The following SND1 variants were observed in gnomAD, a reference collection of about 807,000 sequenced individuals.
SND1 encodes staphylococcal nuclease domain-containing protein 1.
Under a neutral mutation model 121.7 loss-of-function variants are expected in SND1, and 38 were observed. That is an observed-to-expected ratio of 0.31 (90% CI 0.24 to 0.41). SND1 has a LOEUF of 0.41. SND1 is among the 10% of genes least tolerant of loss of function. The pLI, the probability that SND1 is intolerant of heterozygous loss-of-function variation, is 1.00. For missense variants in SND1, 868 were observed against 1,184.6 expected (o/e 0.73, Z 3.92); for synonymous variants, 401 against 447.4 (o/e 0.90, Z 1.31).
intron 10 of SND1, among the ~76,000 whole-genome samples, chr7:127,725,311 C>A (rs1366980452): frequency 4.6e-5 from 7 of 152,182 alleles, no homozygotes; most frequent in Admixed American, 3.9e-4. Context: ...GCTCATATGG[C>A]ATCTTTGTGC....
Position 128,029,121 on chromosome 7 carries a change from G to A in SND1, c.1779+38065G>A. ...CATCTTGTCAGTGGTGTCTGTCGCGGGTACTGCCACCTGCTTGGGCACACG... is the reference window on the plus strand; with the variant it reads ...CATCTTGTCAGTGGTGTCTGTCGCGAGTACTGCCACCTGCTTGGGCACACG... On this transcript the variant is annotated intron_variant, in intron 16 of 23. Coordinates refer to ENST00000354725, the MANE Select transcript of SND1 (RefSeq NM_014390.4). This position sits in a 1 kb window ranked among gnomAD's most constrained non-coding sequence, Gnocchi z 4.2. The A allele has an allele frequency of 6.2e-7, 1 of 1,614,168 alleles. No individual in the cohort carries two copies. The highest frequency in any genetic ancestry group is 1.1e-5 in the South Asian group (1 of 91,074).
intron 12 of SND1, chr7:127,857,774 C>G: frequency 1.5e-6 from 1 of 658,398 alleles, no homozygotes; most frequent in Non-Finnish European, 2.8e-6. Flanking sequence ...AACTTCCTCA[C>G]TGCCTGAGAC....
At chr7:127,837,000 T>A (rs1420798745) in intron 11 of SND1, among the ~76,000 whole-genome samples, 1 of 152,242 alleles carries the variant, frequency 6.6e-6, no homozygotes, top group Non-Finnish European at 1.5e-5. Flanking sequence ...TAAAAATGTA[T>A]GTGGCTTATC....
intron 12 of SND1, among the ~76,000 whole-genome samples, chr7:127,866,988 G>T (rs2116693242): frequency 6.6e-6 from 1 of 152,114 alleles, no homozygotes; most frequent in South Asian, 2.1e-4. Context: ...TGTTCTCCTT[G>T]GGATTTTGTG....
At chr7:128,048,093 G>A (rs1347001342) in intron 16 of SND1, among the ~76,000 whole-genome samples, 8 of 151,940 alleles carry the variant, frequency 5.3e-5, no homozygotes, top group Admixed American at 2.0e-4. Context: ...TGATCCACCC[G>A]TCTTAGCCTC....
Position 128,069,085 on chromosome 7 carries a change from C to A in SND1, c.1780-5417C>A, listed in dbSNP as rs145915193. ...TCCACTGAAGAGAAAGGGATCTGTG[C>A]AGGTGGTACAGGGACAGTCACACAC... On this transcript the variant is annotated intron_variant, in intron 16 of 23. Transcript: ENST00000354725. Among the ~76,000 whole-genome samples, 833 of 152,314 alleles carry A rather than the reference C, an allele frequency of 5.5e-3. 3 individuals carry two copies. The highest frequency in any genetic ancestry group is 0.01 in the Non-Finnish European group (698 of 68,026).
chr7:127,938,512 C>A (rs1409421763), intron 15 of SND1, among the ~76,000 whole-genome samples: 1 of 152,160 alleles, frequency 6.6e-6, no homozygotes, highest in Non-Finnish European at 1.5e-5. Context: ...AAAAGTTTTC[C>A]TCAGGGCGAT....
intron 16 of SND1, among the ~76,000 whole-genome samples, chr7:128,051,088 G>A (rs1793038444): frequency 1.3e-5 from 2 of 152,204 alleles, no homozygotes; most frequent in African/African-American, 4.8e-5. Flanking sequence ...TCCTTCTCTG[G>A]TTCTGCCCTG....
Position 127,937,436 on chromosome 7 carries a change from G to T in SND1, c.1669+8107G>T, listed in dbSNP as rs115600789. Among the ~76,000 whole-genome samples, 719 of 148,298 alleles carry T rather than the reference G, an allele frequency of 4.8e-3. 7 individuals are homozygous for T. Among genetic ancestry groups the T allele is most frequent in the African/African-American group, 0.017 (666 of 40,026 alleles). On this transcript the variant is annotated intron_variant, in intron 15 of 23. Coordinates refer to ENST00000354725, the MANE Select transcript of SND1 (RefSeq NM_014390.4). ...TTTCCCTCCCCCTTCCTCTCTTTCCGTCTCCCAACCCTTCTCCCTTCTCCT... is the reference window on the plus strand; with the variant it reads ...TTTCCCTCCCCCTTCCTCTCTTTCCTTCTCCCAACCCTTCTCCCTTCTCCT...
At position 127,955,433 on chromosome 7, in the gene SND1, T is replaced by C. The variant is rs1027356943; in HGVS notation, c.1669+26104T>C. ...TGAGAGAGAGATGAGAGCATTCCCA[T>C]AACTCATCCTGCCAAGCACTGGGAC... On this transcript the variant is annotated intron_variant, in intron 15 of 23. Coordinates refer to ENST00000354725, the MANE Select transcript of SND1 (RefSeq NM_014390.4). 1.5e-4 allele frequency among the ~76,000 whole-genome samples: 23 copies of C among 152,252 alleles called. No individual in the cohort carries two copies. In the South Asian group the frequency reaches 3.5e-3, roughly 23 times the overall value.
chr7:127,815,395 T>G (rs1489236887), intron 11 of SND1, among the ~76,000 whole-genome samples: 3 of 151,922 alleles, frequency 2.0e-5, no homozygotes, highest in Non-Finnish European at 2.9e-5. Flanking sequence ...GTGGCTGAGA[T>G]AGGAGAATCA....
chr7:127,854,595 AT>A (rs1799236751), intron 12 of SND1, among the ~76,000 whole-genome samples: 2 of 150,986 alleles, frequency 1.3e-5, no homozygotes, highest in African/African-American at 4.9e-5. Flanking sequence ...GAATAGTGCC[AT>A]GATGTGATAA....
intron 10 of SND1, among the ~76,000 whole-genome samples, chr7:127,732,126 C>A (rs1337226706): frequency 1.3e-5 from 1 of 75,736 alleles, no homozygotes; most frequent in African/African-American, 3.7e-5. Context: ...TTGTCTTCCT[C>A]CACCTGATGG....
intron 15 of SND1, among the ~76,000 whole-genome samples, chr7:127,937,999 G>A (rs140350795): frequency 1.8e-3 from 274 of 152,340 alleles, no homozygotes; most frequent in African/African-American, 6.3e-3. Flanking sequence ...CCTTTCAGAT[G>A]CTTTAATTGA....
chr7:127,838,131 A>C (rs1798899805), intron 11 of SND1, among the ~76,000 whole-genome samples: 2 of 152,180 alleles, frequency 1.3e-5, no homozygotes, highest in African/African-American at 4.8e-5. Flanking sequence ...AGGTGACTCA[A>C]GATGATTCAG....
chr7:127,760,418 A>G (rs1488552312), intron 10 of SND1, among the ~76,000 whole-genome samples: 2 of 152,224 alleles, frequency 1.3e-5, no homozygotes, highest in African/African-American at 4.8e-5. Context: ...AAGTTGAATA[A>G]GATAACACAT....
At chr7:127,901,789 T>C (rs1279316233) in intron 13 of SND1, among the ~76,000 whole-genome samples, 1 of 152,198 alleles carries the variant, frequency 6.6e-6, no homozygotes, top group Admixed American at 6.5e-5. Flanking sequence ...GATAAGAGTT[T>C]AACAGTAATA....
intron 10 of SND1, among the ~76,000 whole-genome samples, chr7:127,750,339 A>G (rs1797067115): frequency 6.6e-6 from 1 of 152,132 alleles, no homozygotes; most frequent in South Asian, 2.1e-4. Context: ...GAGCTGGACC[A>G]CTGGTTGGAA....
chr7:128,088,205 G>A (rs945617960), intron 21 of SND1, among the ~76,000 whole-genome samples: 1 of 151,114 alleles, frequency 6.6e-6, no homozygotes, highest in African/African-American at 2.4e-5. Flanking sequence ...CCCAGCATAG[G>A]AGGCCAAGCA....
Sources: allele counts gnomAD v4.1 joint callset (sites outside exome capture counted in the v4.1 genomes callset), GRCh38; gene constraint gnomAD v4.1.1; non-coding constraint Gnocchi (gnomAD v3.1); transcripts MANE v1.5; gene names NCBI Gene and HGNC (gene_info 2026-07-23, HGNC 2026-07-21).